Variants in CPED1 observed in about 807,000 individuals in gnomAD.
CPED1 encodes cadherin like and PC-esterase domain containing 1.
Under a neutral mutation model 128.2 loss-of-function variants are expected in CPED1, and 114 were observed. That is an observed-to-expected ratio of 0.89 (90% CI 0.76 to 1.04). CPED1 has a LOEUF of 1.04. Ranked by LOEUF, CPED1 falls within the 50% of genes least tolerant of loss-of-function variation. The probability of loss-of-function intolerance (pLI) is 0.00; values close to 1 mark genes in which losing one functional copy is unlikely to be tolerated. For synonymous variants in CPED1, 462 were observed against 426.7 expected, an observed-to-expected ratio of 1.08 and a Z score of -1.02; for missense variants, 1,211 against 1,207.1, an observed-to-expected ratio of 1.00 and a Z score of -0.05.
intron 2 of CPED1, among the ~76,000 whole-genome samples, chr7:120,998,628 T>G (rs1796450442): frequency 6.6e-6 from 1 of 152,156 alleles, no homozygotes; most frequent in Admixed American, 6.5e-5. Context: ...TCAACATAAG[T>G]CTTTGGATAA....
intron 18 of CPED1, among the ~76,000 whole-genome samples, chr7:121,247,056 C>G (rs1043445204): frequency 5.9e-5 from 9 of 152,104 alleles, no homozygotes; most frequent in African/African-American, 2.2e-4. Context: ...AGTGGCACAA[C>G]CAGCATTAGA....
intron 16 of CPED1, among the ~76,000 whole-genome samples, chr7:121,153,139 T>C (rs554256089): frequency 2.6e-3 from 403 of 152,262 alleles, no homozygotes; most frequent in African/African-American, 9.2e-3. Flanking sequence ...TTTAATAAAT[T>C]AGTAGCAAAG....
intron 16 of CPED1, among the ~76,000 whole-genome samples, chr7:121,221,396 C>T (rs1797874041): frequency 6.6e-6 from 1 of 152,220 alleles, no homozygotes; most frequent in South Asian, 2.1e-4. Context: ...CAAGTCTTTG[C>T]TATTGTGAAT....
intron 7 of CPED1, among the ~76,000 whole-genome samples, chr7:121,122,926 T>C (rs1795422879): frequency 6.6e-6 from 1 of 152,204 alleles, no homozygotes; most frequent in African/African-American, 2.4e-5. Context: ...ATTATTAACC[T>C]TAACCTCTGT....
rs972551832 is a variant in CPED1 at position 121,268,850 on chromosome 7, G to A, written c.2721+1548G>A. Among the ~76,000 whole-genome samples the A allele has an allele frequency of 7.9e-5, 12 of 152,068 alleles. 1 individual carries two copies. The highest frequency in any genetic ancestry group is 3.9e-4 in the Admixed American group (6 of 15,264). On this transcript the variant is annotated intron_variant, in intron 21 of 22. Transcript: ENST00000310396. Reference sequence around the variant, plus strand: ...TCTTCAAATGTTAGCTTACATGCTAGTTCCTCAGAGAAAACCTCTTGACAC... The same window carrying A: ...TCTTCAAATGTTAGCTTACATGCTAATTCCTCAGAGAAAACCTCTTGACAC...
chr7:121,248,779 G>GT (rs1412623019), intron 18 of CPED1, among the ~76,000 whole-genome samples: 1 of 152,058 alleles, frequency 6.6e-6, no homozygotes, highest in Non-Finnish European at 1.5e-5. Context: ...AAACTAGAGT[G>GT]TTCTCTTACC....
intron 22 of CPED1, among the ~76,000 whole-genome samples, chr7:121,279,683 A>G (rs1049634938): frequency 1.1e-4 from 16 of 152,200 alleles, no homozygotes; most frequent in African/African-American, 3.9e-4. Flanking sequence ...TATGTGCAAA[A>G]TTGGTAGACC....
intron 5 of CPED1, among the ~76,000 whole-genome samples, chr7:121,089,313 G>A (rs921130902): frequency 6.6e-6 from 1 of 151,986 alleles, no homozygotes; most frequent in Non-Finnish European, 1.5e-5. Context: ...TAAAAATCTT[G>A]ATATTTTAAA....
chr7:121,198,321 C>G (rs1028206939), intron 16 of CPED1, among the ~76,000 whole-genome samples: 3 of 152,008 alleles, frequency 2.0e-5, no homozygotes, highest in African/African-American at 7.2e-5. Flanking sequence ...TTTTTGATGC[C>G]TTTTTATAGC....
rs187392405 is a variant in CPED1 at position 121,029,188 on chromosome 7, A to G, written c.433+13340A>G. On this transcript the variant is annotated intron_variant, in intron 3 of 22. Coordinates refer to ENST00000310396, the MANE Select transcript of CPED1 (RefSeq NM_024913.5). ...CATTATTATATGTAAATCTTTGTCC[A>G]CATTCCTAATTATTTTTAGCATAGA... 3.7e-3 allele frequency among the ~76,000 whole-genome samples: 561 copies of G among 152,266 alleles called. 2 individuals are homozygous for G. The highest frequency in any genetic ancestry group is 0.01 in the Admixed American group (154 of 15,286).
At chr7:121,201,484 C>CAG (rs368768002) in intron 16 of CPED1, among the ~76,000 whole-genome samples, 19 of 141,078 alleles carry the variant, frequency 1.3e-4, no homozygotes, top group South Asian at 4.5e-4. Flanking sequence ...GAGTGAGAGA[C>CAG]AGAGAGAGAG....
chr7:121,293,213 C>T (rs989394280), intron 22 of CPED1, among the ~76,000 whole-genome samples: 3 of 152,136 alleles, frequency 2.0e-5, no homozygotes, highest in African/African-American at 7.2e-5. Flanking sequence ...TCAGAGATGC[C>T]CCGCCCAGAG....
intron 14 of CPED1, among the ~76,000 whole-genome samples, chr7:121,137,799 GACTAGTGAGAAA>G (rs1455799605): frequency 6.6e-6 from 1 of 152,052 alleles, no homozygotes; most frequent in Non-Finnish European, 1.5e-5. Context: ...GTGGGAAAAG[GACTAGTGAGAAA>G]ACTAGGAGCA....
chr7:121,082,996 A>G (rs537550084), intron 5 of CPED1, among the ~76,000 whole-genome samples: 1 of 152,320 alleles, frequency 6.6e-6, no homozygotes, highest in South Asian at 2.1e-4. Context: ...TGCTGAAGGC[A>G]GAAGACTGTC....
At chr7:121,284,370 C>T (rs1792522197) in intron 22 of CPED1, among the ~76,000 whole-genome samples, 1 of 152,108 alleles carries the variant, frequency 6.6e-6, no homozygotes. Flanking sequence ...GCCCCTGGCT[C>T]CTCTCCAAAT....
chr7:121,137,409 G>A (rs1298661241), intron 14 of CPED1, among the ~76,000 whole-genome samples: 2 of 152,036 alleles, frequency 1.3e-5, no homozygotes, highest in African/African-American at 4.8e-5. Flanking sequence ...CTGATCTCAA[G>A]TGGTCCTCCC....
chr7:121,032,170 T>C (rs1441808339), intron 3 of CPED1, among the ~76,000 whole-genome samples: 3 of 152,154 alleles, frequency 2.0e-5, no homozygotes, highest in Non-Finnish European at 2.9e-5. Flanking sequence ...ATCAAAACAT[T>C]ATAAAGTATA....
chr7:121,177,477 G>A (rs1190880828), intron 16 of CPED1, among the ~76,000 whole-genome samples: 1 of 151,924 alleles, frequency 6.6e-6, no homozygotes, highest in Non-Finnish European at 1.5e-5. Flanking sequence ...AGAAAATGTG[G>A]ATTTTATGTG....
intron 18 of CPED1, among the ~76,000 whole-genome samples, chr7:121,264,588 A>G (rs1301024188): frequency 2.0e-5 from 3 of 152,090 alleles, no homozygotes; most frequent in Non-Finnish European, 4.4e-5. Flanking sequence ...TCATGCAGCT[A>G]CTTGGATACG....
Sources: allele counts gnomAD v4.1 joint callset (sites outside exome capture counted in the v4.1 genomes callset), GRCh38; gene constraint gnomAD v4.1.1; transcripts MANE v1.5; gene names NCBI Gene and HGNC (gene_info 2026-07-23, HGNC 2026-07-21).